The following TTBK2 variants were observed in gnomAD, a reference collection of about 807,000 sequenced individuals.
The protein encoded by TTBK2 is tau tubulin kinase 2, also known as tau-tubulin kinase 2.
In TTBK2, 28 loss-of-function variants were observed where a neutral mutation model predicts 110.8. The observed-to-expected ratio is 0.25, with a 90% CI of 0.19 to 0.35. TTBK2 has a LOEUF of 0.35. Ranked by LOEUF, TTBK2 falls within the 10% of genes least tolerant of loss-of-function variation. The pLI is 1.00. For missense variants in TTBK2, 1,369 were observed against 1,500.3 expected, an observed-to-expected ratio of 0.91 and a Z score of 1.45; for synonymous variants, 532 against 527.3, an observed-to-expected ratio of 1.01 and a Z score of -0.12.
intron 9 of TTBK2, among the ~76,000 whole-genome samples, chr15:42,796,648 G>T (rs1003646577): frequency 1.3e-5 from 2 of 152,220 alleles, no homozygotes; most frequent in South Asian, 4.1e-4. Context: ...AATGTTATCA[G>T]TTGTAAATGT....
At chr15:42,748,155 G>T (rs1210149240) in intron 14 of TTBK2, among the ~76,000 whole-genome samples, 2 of 152,030 alleles carry the variant, frequency 1.3e-5, no homozygotes, top group East Asian at 1.9e-4. Flanking sequence ...GCAGAGAAGG[G>T]GGTTAGTTAC....
intron 13 of TTBK2, among the ~76,000 whole-genome samples, chr15:42,764,001 A>G (rs1889233941): frequency 6.6e-6 from 1 of 152,240 alleles, no homozygotes; most frequent in South Asian, 2.1e-4. Context: ...AAAGAATAGA[A>G]GCCCAGAAAA....
At position 42,794,752 on chromosome 15, in the gene TTBK2, T is replaced by G. The variant is rs1227048582; in HGVS notation, c.872A>C (p.Glu291Ala). The G allele has an allele frequency of 6.2e-7, 1 of 1,614,002 alleles. No individual in the cohort carries two copies. The highest frequency in any genetic ancestry group is 2.2e-5 in the East Asian group (1 of 44,884). ...CTTCTCCCAGTCAAAAGGGTCACTC[T>G]CAATTACTCCAAAAGTCTTGATGCT... The part of the protein sequence containing the change: ...DNSIKTFGVI[E>A]SDPFDWEKTG... The change falls in exon 10 of 15, where the codon GAG (glutamate) becomes GCG (alanine). Residue 291 changes from glutamate to alanine, a missense_variant. By Grantham distance (107) the Glu-to-Ala change is moderately radical. Around this residue, in one of 4 missense-constraint regions of TTBK2, gnomAD observed 138 missense variants for 179.0 expected, o/e 0.77. Transcript: ENST00000267890.
intron 10 of TTBK2, among the ~76,000 whole-genome samples, chr15:42,792,705 G>A (rs2140858704): frequency 6.6e-6 from 1 of 152,254 alleles, no homozygotes; most frequent in Non-Finnish European, 1.5e-5. Flanking sequence ...TCTTCTGGCA[G>A]GGGTAGGTGA....
Position 42,745,450 on chromosome 15 carries a change from A to G in TTBK2, c.*345T>C. On this transcript the variant is annotated 3_prime_UTR_variant, in exon 15 of 15. Transcript: ENST00000267890. ...TATATAATCTTTGAATTGAGGCTTA[A>G]AAAAATTAGGCAACCCCCCTAAAAT... 1 of 295,796 alleles carries G rather than the reference A, an allele frequency of 3.4e-6. No individual in the cohort carries two copies. The highest frequency in any genetic ancestry group is 3.9e-5 in the South Asian group (1 of 25,444). 18.3% of individuals were successfully genotyped at this position (295,796 alleles called of 1,614,324 possible). A position where few individuals can be genotyped will look rare whatever the true frequency, so the allele number is the denominator to read the frequency against.
chr15:42,835,659 A>G (rs1218714739), intron 4 of TTBK2, among the ~76,000 whole-genome samples: 2 of 152,156 alleles, frequency 1.3e-5, no homozygotes, highest in Non-Finnish European at 2.9e-5. Flanking sequence ...AAAGAGATGG[A>G]CGATCATTGA....
intron 1 of TTBK2, among the ~76,000 whole-genome samples, chr15:42,904,212 A>C (rs1310186510): frequency 6.6e-6 from 1 of 152,210 alleles, no homozygotes; most frequent in Non-Finnish European, 1.5e-5. Context: ...TAAAACACTA[A>C]GTTTTGAATA....
In TTBK2 at chr15:42,785,295, A is replaced by G. The variant is rs554967142; in HGVS notation, c.981-1660T>C. Among the ~76,000 whole-genome samples the G allele has an allele frequency of 9.9e-5, 15 of 151,992 alleles. No individual in the cohort carries two copies. In the East Asian group the frequency reaches 2.9e-3, roughly 30 times the overall value. On this transcript the variant is annotated intron_variant, in intron 10 of 14. Transcript: ENST00000267890. ...CCACCATGCCCAGCTAATTTTTTAT[A>G]TTTTTAGTAGAGATGGGGTTTTGCC...
chr15:42,917,809 G>C (rs1038963561), intron 1 of TTBK2, among the ~76,000 whole-genome samples: 2 of 152,024 alleles, frequency 1.3e-5, no homozygotes, highest in Non-Finnish European at 2.9e-5. Context: ...CATTTTGAGT[G>C]TCTCTCAAAA....
At chr15:42,826,798 G>T (rs1469521370) in intron 6 of TTBK2, among the ~76,000 whole-genome samples, 1 of 152,074 alleles carries the variant, frequency 6.6e-6, no homozygotes, top group Non-Finnish European at 1.5e-5. Flanking sequence ...AATTTAGTTT[G>T]CCTAATGTTT....
At chr15:42,777,353 A>T in intron 11 of TTBK2, 111 bp from the exon 12 acceptor site, 1 of 1,153,664 alleles carries the variant, frequency 8.7e-7, no homozygotes, top group Non-Finnish European at 1.2e-6. Context: ...GTGTTTTCAG[A>T]TGATTAGGAT....
rs2061915012 is a variant in TTBK2, at chr15:42,754,495, A to C, written c.1999-1248T>G. On this transcript the variant is annotated intron_variant, in intron 13 of 14. Coordinates refer to ENST00000267890, the MANE Select transcript of TTBK2 (RefSeq NM_173500.4). ...ACCGCAACCTCCGCCTCCTGGGTTT[A>C]CGTGATTCTCCCTGCCTCAGCCTCC... Among the ~76,000 whole-genome samples, 4 of 151,214 alleles carry C rather than the reference A, an allele frequency of 2.6e-5. No individual in the cohort carries two copies. The South Asian group carries it at 8.4e-4, about 32-fold the overall frequency.
At chr15:42,904,864 A>T (rs1596044505) in intron 1 of TTBK2, among the ~76,000 whole-genome samples, 1 of 152,014 alleles carries the variant, frequency 6.6e-6, no homozygotes, top group East Asian at 1.9e-4. Flanking sequence ...GAGACATCAA[A>T]CTGTATATAA....
intron 13 of TTBK2, among the ~76,000 whole-genome samples, chr15:42,774,187 C>A (rs988776113): frequency 6.6e-6 from 1 of 152,134 alleles, no homozygotes; most frequent in African/African-American, 2.4e-5. Flanking sequence ...TAATAGAAAA[C>A]CTTTCAGTTT....
chr15:42,763,557 T>C (rs1477588006), intron 13 of TTBK2, among the ~76,000 whole-genome samples: 1 of 151,970 alleles, frequency 6.6e-6, no homozygotes. Flanking sequence ...GGATATCGAA[T>C]GCTCCCAACA....
At chr15:42,910,405 T>A (rs1207660555) in intron 1 of TTBK2, among the ~76,000 whole-genome samples, 1 of 152,196 alleles carries the variant, frequency 6.6e-6, no homozygotes, top group African/African-American at 2.4e-5. Context: ...GTCAAGAGCA[T>A]CTACTCATTC....
chr15:42,875,713 A>G (rs1486445732), intron 2 of TTBK2, among the ~76,000 whole-genome samples: 1 of 151,924 alleles, frequency 6.6e-6, no homozygotes, highest in Non-Finnish European at 1.5e-5. Flanking sequence ...TCCAGACCAG[A>G]CTGGCCAACA....
intron 10 of TTBK2, among the ~76,000 whole-genome samples, chr15:42,788,715 A>G (rs1890513443): frequency 6.6e-6 from 1 of 152,000 alleles, no homozygotes; most frequent in South Asian, 2.1e-4. Flanking sequence ...TCTCTTTTCT[A>G]TCTTTCTGAT....
At chr15:42,882,130 G>GA (rs949240414) in intron 1 of TTBK2, among the ~76,000 whole-genome samples, 5 of 151,162 alleles carry the variant, frequency 3.3e-5, no homozygotes, top group African/African-American at 1.2e-4. Flanking sequence ...GTTTAGGACA[G>GA]AAAAAAATAA....
Sources: gnomAD v4.1 joint callset for allele counts (sites outside exome capture counted in the v4.1 genomes callset) on GRCh38, gnomAD v4.1.1 for gene constraint, gnomAD v4.1.1 regional missense constraint, MANE v1.5 for transcripts, NCBI Gene and HGNC (gene_info 2026-07-23, HGNC 2026-07-21) for gene names.